The following PPP1R2 variants were observed in gnomAD, a reference collection of about 807,000 sequenced individuals.
PPP1R2 encodes the protein protein phosphatase inhibitor 2.
In PPP1R2, 16 loss-of-function variants were observed where a neutral mutation model predicts 29.9. The observed-to-expected ratio is 0.53, with a 90% CI of 0.36 to 0.81. PPP1R2 has a LOEUF of 0.81. Ranked by LOEUF, PPP1R2 falls within the 30% of genes least tolerant of loss-of-function variation. The pLI, the probability that PPP1R2 is intolerant of heterozygous loss-of-function variation, is 0.00. For missense variants in PPP1R2, 197 were observed against 252.7 expected, an observed-to-expected ratio of 0.78 and a Z score of 1.49; for synonymous variants, 76 against 91.5, an observed-to-expected ratio of 0.83 and a Z score of 0.96.
chr3:195,518,960 C>T (rs777349138), intron 5 of PPP1R2, 58 bp downstream of exon 5: 11 of 1,575,978 alleles, frequency 7.0e-6, no homozygotes, highest in Non-Finnish European at 9.4e-6. Flanking sequence ...AAATAAAGTA[C>T]ATTATCTTAG....
intron 1 of PPP1R2, among the ~76,000 whole-genome samples, chr3:195,542,693 G>A (rs1477295325): frequency 2.0e-5 from 3 of 150,956 alleles, no homozygotes; most frequent in Non-Finnish European, 2.9e-5. Context: ...TATTATATAT[G>A]CCCAAATGCT....
At chr3:195,529,750 A>C in intron 2 of PPP1R2, 44 bp downstream of exon 2, 1 of 1,372,746 alleles carries the variant, frequency 7.3e-7, no homozygotes, top group Non-Finnish European at 1.0e-6. Flanking sequence ...TGAAATGCAA[A>C]ATGGAAGTAA....
In PPP1R2 at chr3:195,542,797, A is replaced by AGCGGCACCCG. The variant is rs907419554; in HGVS notation, c.122+97_122+106dup. ...CTAGCCGGGCAGGAGAAGAGACTCG[A>AGCGGCACCCG]GCGGCACCCGAGCCGCATCCACGCC... On this transcript the variant is annotated intron_variant, in intron 1 of 5. Transcript: ENST00000618156. The AGCGGCACCCG allele has an allele frequency of 1.9e-5, 25 of 1,345,090 alleles. No homozygotes were observed. The African/African-American group carries it at 3.5e-4, about 19-fold the overall frequency. 83.3% of individuals were successfully genotyped at this position (1,345,090 alleles called of 1,614,324 possible). A position where few individuals can be genotyped will look rare whatever the true frequency, so the allele number is the denominator to read the frequency against.
At chr3:195,518,650 C>CA (rs35912447) in intron 5 of PPP1R2, among the ~76,000 whole-genome samples, 115 of 133,952 alleles carry the variant, frequency 8.6e-4, no homozygotes, top group African/African-American at 1.5e-3. Context: ...GACTCTGTCT[C>CA]AAAAAAAAAA....
At chr3:195,537,481 T>TTGTGTGTG (rs71180930) in intron 1 of PPP1R2, among the ~76,000 whole-genome samples, 2,038 of 128,536 alleles carry the variant, frequency 0.016, 40 homozygotes, top group East Asian at 0.07. Flanking sequence ...GGATTAGCTA[T>TTGTGTGTG]TGTGTGTGTG....
intron 1 of PPP1R2, among the ~76,000 whole-genome samples, chr3:195,535,540 G>T (rs1436204013): frequency 1.3e-5 from 2 of 152,202 alleles, no homozygotes; most frequent in African/African-American, 2.4e-5. Flanking sequence ...ATTATTTGGT[G>T]GGGGTGAAGG....
intron 1 of PPP1R2, among the ~76,000 whole-genome samples, chr3:195,542,106 C>T (rs1412227748): frequency 6.6e-6 from 1 of 152,210 alleles, no homozygotes; most frequent in Non-Finnish European, 1.5e-5. Context: ...TAACCCACTA[C>T]AGATACTGTA....
chr3:195,531,076 G>A (rs753540349), intron 1 of PPP1R2, among the ~76,000 whole-genome samples: 1 of 152,174 alleles, frequency 6.6e-6, no homozygotes, highest in African/African-American at 2.4e-5. Flanking sequence ...GCCTGCCTGG[G>A]CCTCCCAAAC....
At position 195,516,900 on chromosome 3, in the gene PPP1R2, G is replaced by A; in HGVS notation, c.614C>T (p.Ser205Leu). The A allele has an allele frequency of 1.2e-6, 2 of 1,611,714 alleles. No homozygotes were observed. The highest frequency in any genetic ancestry group is 1.7e-6 in the Non-Finnish European group (2 of 1,178,082). Residue 205 changes from serine to leucine, a missense_variant, in exon 6 of 6, where the codon TCA (serine) becomes TTA (leucine). By Grantham distance (145) the Ser-to-Leu change is moderately radical. Transcript: ENST00000618156. ...GCAGTGTTGAACAAATCTCGTCTAT[G>A]AACTTCGTAATTTGTTTTGCTGTTG... ...SDQQQNKLRS[S>L]
rs1390419436 is a variant in PPP1R2, at chr3:195,515,175, A to G, written c.*1721T>C. The G allele has an allele frequency of 1.2e-5, 2 of 167,404 alleles. No homozygotes were observed. Among genetic ancestry groups the G allele is most frequent in the Non-Finnish European group, 2.8e-5 (2 of 70,804 alleles). 10.4% of individuals were successfully genotyped at this position (167,404 alleles called of 1,614,324 possible). A position where few individuals can be genotyped will look rare whatever the true frequency, so the allele number is the denominator to read the frequency against. On this transcript the variant is annotated 3_prime_UTR_variant, in exon 6 of 6. Transcript: ENST00000618156. ...TCCCAACATTTTAAATTCAGAAACC[A>G]GAGACAAACAGTTTTGTTTCTAAAT... is the stretch of plus-strand genomic sequence containing the variant.
intron 2 of PPP1R2, among the ~76,000 whole-genome samples, chr3:195,528,098 C>T (rs1168990017): frequency 1.3e-5 from 2 of 151,984 alleles, no homozygotes; most frequent in South Asian, 2.1e-4. Flanking sequence ...ACCCATCACC[C>T]GAGCAGTGTA....
At chr3:195,532,280 G>A (rs1719215172) in intron 1 of PPP1R2, among the ~76,000 whole-genome samples, 2 of 145,416 alleles carry the variant, frequency 1.4e-5, no homozygotes, top group South Asian at 4.3e-4. Flanking sequence ...CAAACTCCTG[G>A]CCTCAAGCAA....
chr3:195,537,481 T>TTTTGTGTGTGTGTGTGTGTGTG (rs150119072), intron 1 of PPP1R2, among the ~76,000 whole-genome samples: 6,276 of 128,444 alleles, frequency 0.049, 279 homozygotes, highest in African/African-American at 0.059. Flanking sequence ...GGATTAGCTA[T>TTTTGTGTGTGTGTGTGTGTGTG]TGTGTGTGTG....
chr3:195,537,481 T>TGTGTGTGTGTG (rs1719435207), intron 1 of PPP1R2, among the ~76,000 whole-genome samples: 2 of 128,516 alleles, frequency 1.6e-5, no homozygotes, highest in Non-Finnish European at 3.2e-5. Flanking sequence ...GGATTAGCTA[T>TGTGTGTGTGTG]TGTGTGTGTG....
At position 195,542,892 on chromosome 3, in the gene PPP1R2, C is replaced by T; in HGVS notation, c.122+12G>A. 1 of 1,596,514 alleles carries T rather than the reference C, an allele frequency of 6.3e-7. No homozygotes were observed. The highest frequency in any genetic ancestry group is 8.5e-7 in the Non-Finnish European group (1 of 1,171,792). On this transcript the variant is annotated intron_variant, in intron 1 of 5. Coordinates refer to ENST00000618156, the MANE Select transcript of PPP1R2 (RefSeq NM_006241.8). ...AAGGAGGGGCTCCCAGGCCGTCCCT[C>T]CCAGCGCTCACCTCAGCTCCTCGTC...
chr3:195,538,870 T>C (rs1406283996), intron 1 of PPP1R2, among the ~76,000 whole-genome samples: 2 of 152,226 alleles, frequency 1.3e-5, no homozygotes, highest in East Asian at 1.9e-4. Flanking sequence ...GGCACAGATA[T>C]AATGAATAAT....
At chr3:195,537,481 T>TTTTTTGTGTGTGTGTGTGTGTGTGTGTG (rs150119072) in intron 1 of PPP1R2, among the ~76,000 whole-genome samples, 85 of 128,574 alleles carry the variant, frequency 6.6e-4, no homozygotes, top group Non-Finnish European at 9.9e-4. Flanking sequence ...GGATTAGCTA[T>TTTTTTGTGTGTGTGTGTGTGTGTGTGTG]TGTGTGTGTG....
chr3:195,543,178 G>A lies in PPP1R2; in HGVS notation c.-153C>T. On this transcript the variant is annotated 5_prime_UTR_variant, in exon 1 of 6. Transcript: ENST00000618156. ...TGCCTCGGAAACGGCTACCGCAGCG[G>A]TTGTCACGACACAACGACCCCGACG... 2 of 1,104,202 alleles carry A rather than the reference G, an allele frequency of 1.8e-6. No individual in the cohort carries two copies. Among genetic ancestry groups the A allele is most frequent in the Non-Finnish European group, 2.5e-6 (2 of 809,362 alleles). 68.4% of individuals were successfully genotyped at this position (1,104,202 alleles called of 1,614,324 possible).
intron 1 of PPP1R2, among the ~76,000 whole-genome samples, chr3:195,531,470 C>T (rs1382901809): frequency 6.6e-6 from 1 of 152,160 alleles, no homozygotes; most frequent in East Asian, 1.9e-4. Flanking sequence ...ATAACATATT[C>T]CCTTTTCCAT....
Sources: allele counts gnomAD v4.1 joint callset (sites outside exome capture counted in the v4.1 genomes callset), GRCh38; gene constraint gnomAD v4.1.1; transcripts MANE v1.5; gene names NCBI Gene and HGNC (gene_info 2026-07-23, HGNC 2026-07-21).